The following TWSG1 variants were observed in gnomAD, a reference collection of about 807,000 sequenced individuals.
TWSG1 encodes the protein twisted gastrulation protein homolog 1.
TWSG1 carries 15 observed loss-of-function variants against 23.0 expected under a neutral mutation model. The ratio of observed to expected loss-of-function variants is 0.65; its 90% CI spans 0.44 to 1.00. The LOEUF is 1.00. TWSG1 is among the 50% of genes least tolerant of loss of function. TWSG1 has a pLI of 0.00. For missense variants in TWSG1, 242 were observed against 278.7 expected (o/e 0.87, Z 0.94); for synonymous variants, 86 against 92.8 (o/e 0.93, Z 0.42).
intron 2 of TWSG1, among the ~76,000 whole-genome samples, chr18:9,340,754 G>A (rs1170712527): frequency 6.6e-6 from 1 of 152,210 alleles, no homozygotes; most frequent in Non-Finnish European, 1.5e-5. Flanking sequence ...TTTCTGCGAT[G>A]ATGGAAAAGA....
rs28470841 is a variant in TWSG1, at chr18:9,357,033, G to A, written c.124-2939G>A. ...ATCTGATGGTGTTTCTAAAAAGTGC[G>A]TACTCAGAAAATGTTCTTTTACTCC... is the stretch of plus-strand genomic sequence containing the variant. On this transcript the variant is annotated intron_variant, in intron 2 of 4. Transcript: ENST00000262120. Among the ~76,000 whole-genome samples, 597 of 148,412 alleles carry A rather than the reference G, an allele frequency of 4.0e-3. 4 individuals carry two copies. Among genetic ancestry groups the A allele is most frequent in the African/African-American group, 0.013 (509 of 40,408 alleles).
chr18:9,365,871 T>C (rs62087474), intron 3 of TWSG1, among the ~76,000 whole-genome samples: 9,572 of 132,724 alleles, frequency 0.072, 356 homozygotes, highest in Non-Finnish European at 0.098. Context: ...CTGGGCATAA[T>C]GATGCATGCC....
At chr18:9,388,865 T>C (rs1016501914) in intron 3 of TWSG1, among the ~76,000 whole-genome samples, 2 of 152,078 alleles carry the variant, frequency 1.3e-5, no homozygotes, top group African/African-American at 4.8e-5. Flanking sequence ...GAAATTTCTT[T>C]AAAGTCTTCA....
intron 3 of TWSG1, among the ~76,000 whole-genome samples, chr18:9,362,234 G>C (rs1166956920): frequency 6.6e-6 from 1 of 152,030 alleles, no homozygotes; most frequent in Non-Finnish European, 1.5e-5. Flanking sequence ...TTGAGACAGG[G>C]TCTTGCTATG....
intron 3 of TWSG1, among the ~76,000 whole-genome samples, chr18:9,365,898 T>A (rs56673149): frequency 0.56 from 84,072 of 150,992 alleles, 24,647 homozygotes; most frequent in East Asian, 0.71. Context: ...CCTAGCTACT[T>A]GGAGGGCTGA....
At chr18:9,375,979 A>G (rs369098799) in intron 3 of TWSG1, among the ~76,000 whole-genome samples, 1 of 152,098 alleles carries the variant, frequency 6.6e-6, no homozygotes, top group African/African-American at 2.4e-5. Context: ...ACAGTGGCCA[A>G]TCTTGGTTCA....
chr18:9,341,327 A>G (rs913023797), intron 2 of TWSG1, among the ~76,000 whole-genome samples: 1 of 152,184 alleles, frequency 6.6e-6, no homozygotes, highest in South Asian at 2.1e-4. Flanking sequence ...AAAGAAACCA[A>G]CTAGTATGTG....
At chr18:9,338,257 A>G (rs1003701202) in intron 2 of TWSG1, among the ~76,000 whole-genome samples, 2 of 152,204 alleles carry the variant, frequency 1.3e-5, no homozygotes, top group African/African-American at 2.4e-5. Context: ...TCTCGCTAAT[A>G]GTTGGAATTC....
chr18:9,370,308 C>T (rs2040598803), intron 3 of TWSG1, among the ~76,000 whole-genome samples: 3 of 146,358 alleles, frequency 2.0e-5, no homozygotes, highest in Admixed American at 2.0e-4. Flanking sequence ...CAGAGTGAGA[C>T]TCCATCTAAA....
rs775837207 is a variant in TWSG1, at chr18:9,340,367, C to CAAAAAA, written c.123+3033_123+3038dup. Among the ~76,000 whole-genome samples, 388 of 66,332 alleles carry CAAAAAA rather than the reference C, an allele frequency of 5.8e-3. 2 individuals carry two copies. The highest frequency in any genetic ancestry group is 6.7e-3 in the Non-Finnish European group (242 of 36,098). 43.5% of individuals were successfully genotyped at this position (66,332 alleles called of 152,430 possible). On this transcript the variant is annotated intron_variant, in intron 2 of 4. Coordinates refer to ENST00000262120, the MANE Select transcript of TWSG1 (RefSeq NM_020648.6). Reference sequence around the variant, plus strand: ...TGGGCGACAGAGCAAGACTCCATTTCAAAAAAAAAAAAAAAAAAAAAAAGA... The same window carrying CAAAAAA: ...TGGGCGACAGAGCAAGACTCCATTTCAAAAAAAAAAAAAAAAAAAAAAAAAAAAAGA...
At chr18:9,352,530 C>T (rs1257310872) in intron 2 of TWSG1, among the ~76,000 whole-genome samples, 1 of 152,156 alleles carries the variant, frequency 6.6e-6, no homozygotes, top group Non-Finnish European at 1.5e-5. Flanking sequence ...AATCCAGGAA[C>T]ACCATTCCTT....
chr18:9,385,817 A>G (rs914887302), intron 3 of TWSG1, among the ~76,000 whole-genome samples: 9 of 152,210 alleles, frequency 5.9e-5, no homozygotes, highest in African/African-American at 1.9e-4. Flanking sequence ...AAAAGTTAAC[A>G]AAGTATCATG....
At chr18:9,394,769 T>C (rs1194460660) in intron 3 of TWSG1, among the ~76,000 whole-genome samples, 2 of 152,132 alleles carry the variant, frequency 1.3e-5, no homozygotes, top group Non-Finnish European at 1.5e-5. Flanking sequence ...CACACATGCA[T>C]GCATGCACAC....
intron 4 of TWSG1, among the ~76,000 whole-genome samples, chr18:9,397,734 G>A (rs1224883135): frequency 2.0e-5 from 3 of 152,096 alleles, no homozygotes; most frequent in Non-Finnish European, 4.4e-5. Flanking sequence ...GGCTGGGTGC[G>A]GTGGCTCACG....
intron 3 of TWSG1, among the ~76,000 whole-genome samples, chr18:9,392,595 C>T (rs2040717620): frequency 6.6e-6 from 1 of 152,210 alleles, no homozygotes; most frequent in South Asian, 2.1e-4. Context: ...TTTTCATTTC[C>T]TTCAAGAACT....
intron 2 of TWSG1, among the ~76,000 whole-genome samples, chr18:9,344,647 G>A (rs766441147): frequency 6.6e-6 from 1 of 151,040 alleles, no homozygotes; most frequent in Non-Finnish European, 1.5e-5. Context: ...TCCCACCTCA[G>A]TCTCCCAAGT....
rs1329904814 is a variant in TWSG1, at chr18:9,396,461, A to G, written c.405A>G (p.Ser135=). 6.2e-7 allele frequency: 1 copy of G among 1,614,148 alleles called. No individual in the cohort carries two copies. The highest frequency in any genetic ancestry group is 2.2e-5 in the East Asian group (1 of 44,878). ...TTTCACATCATGAGAATCTGGTTTC[A>G]TTTTTAGAAACTGTGAACCAGCCAC... ...EELSHHENLV[S]FLETVNQPHH... The change falls in exon 4 of 5, where the codon TCA becomes TCG. Residue 135 remains serine, a synonymous_variant. Transcript: ENST00000262120.
chr18:9,335,706 A>T (rs1442965959), intron 1 of TWSG1, among the ~76,000 whole-genome samples: 1 of 152,218 alleles, frequency 6.6e-6, no homozygotes, highest in Non-Finnish European at 1.5e-5. Flanking sequence ...TCTTTAGGGA[A>T]TGCTTTGTGA....
At chr18:9,339,500 T>G (rs2040436612) in intron 2 of TWSG1, among the ~76,000 whole-genome samples, 1 of 152,114 alleles carries the variant, frequency 6.6e-6, no homozygotes, top group Admixed American at 6.5e-5. Flanking sequence ...CCAAGGCTGG[T>G]CTCAAACTTC....
Sources: allele counts gnomAD v4.1 joint callset (sites outside exome capture counted in the v4.1 genomes callset), GRCh38; gene constraint gnomAD v4.1.1; transcripts MANE v1.5; gene names NCBI Gene and HGNC (gene_info 2026-07-23, HGNC 2026-07-21).